The following ARHGAP39 variants were observed in gnomAD, a reference collection of about 807,000 sequenced individuals.
ARHGAP39 encodes rho GTPase-activating protein 39.
In ARHGAP39, 44 loss-of-function variants were observed where a neutral mutation model predicts 106.9. That is an observed-to-expected ratio of 0.41 (90% CI 0.32 to 0.53). The LOEUF (loss-of-function observed/expected upper bound fraction) is 0.53. Among genes scored for constraint, ARHGAP39 ranks in the 20% least tolerant of loss-of-function variants. The pLI, the probability that ARHGAP39 is intolerant of heterozygous loss-of-function variation, is 0.21. For missense variants in ARHGAP39, 1,496 were observed against 1,577.3 expected (o/e 0.95, Z 0.87); for synonymous variants, 768 against 693.2 (o/e 1.11, Z -1.69).
At chr8:144,607,532 C>T (rs1009760381) in intron 1 of ARHGAP39, among the ~76,000 whole-genome samples, 3 of 152,238 alleles carry the variant, frequency 2.0e-5, no homozygotes, top group Non-Finnish European at 4.4e-5. Flanking sequence ...TGTCTTCTTG[C>T]TCCCGGATGC....
At chr8:144,607,425 C>T (rs1022871226) in intron 1 of ARHGAP39, among the ~76,000 whole-genome samples, 4 of 152,126 alleles carry the variant, frequency 2.6e-5, no homozygotes, top group African/African-American at 9.7e-5. Context: ...TGCCACTTCG[C>T]CTGTAGCACT....
In ARHGAP39 at chr8:144,532,290, G is replaced by A. The variant is rs1272729302; in HGVS notation, c.2980+15C>T. On this transcript the variant is annotated intron_variant, in intron 10 of 11. Transcript: ENST00000377307. ...AGCCAGGCCCGCTCTGCTGCAGCGT[G>A]TGTGGGGGACTCACCAGGGACGTGG... The A allele has an allele frequency of 6.2e-7, 1 of 1,611,540 alleles. No individual in the cohort carries two copies. The highest frequency in any genetic ancestry group is 1.1e-5 in the South Asian group (1 of 91,048).
rs756040629 is a variant in ARHGAP39 at position 144,591,869 on chromosome 8, G to A, written c.81-10592C>T. ...TTCCCCTGGATGGCGGCGTCGCCTCGTCGCCTCGTGCCTGCGGGGAGTGCT... is the reference window on the plus strand; with the variant it reads ...TTCCCCTGGATGGCGGCGTCGCCTCATCGCCTCGTGCCTGCGGGGAGTGCT... On this transcript the variant is annotated intron_variant, in intron 2 of 11. Coordinates refer to ENST00000377307, the MANE Select transcript of ARHGAP39 (RefSeq NM_025251.3). The surrounding 1 kb of genome is among the most constrained non-coding windows in gnomAD (Gnocchi z 5.3). Among the ~76,000 whole-genome samples, 2 of 152,154 alleles carry A rather than the reference G, an allele frequency of 1.3e-5. No homozygotes were observed. Among genetic ancestry groups the A allele is most frequent in the African/African-American group, 2.4e-5 (1 of 41,432 alleles).
chr8:144,535,849 G>A (rs769342561), intron 7 of ARHGAP39, among the ~76,000 whole-genome samples: 18 of 152,232 alleles, frequency 1.2e-4, no homozygotes, highest in Non-Finnish European at 1.6e-4. Context: ...TCTGTAGGAT[G>A]GGGACTGTGA....
intron 3 of ARHGAP39, among the ~76,000 whole-genome samples, chr8:144,561,771 C>T (rs112673235): frequency 0.027 from 3,831 of 141,152 alleles, 191 homozygotes; most frequent in African/African-American, 0.11. Context: ...TGGTTTCCAT[C>T]GGACTTACTC....
At chr8:144,676,693 G>A (rs981114776) in intron 1 of ARHGAP39, among the ~76,000 whole-genome samples, 2 of 152,204 alleles carry the variant, frequency 1.3e-5, no homozygotes, top group African/African-American at 4.8e-5. Context: ...GAGGAAGCTC[G>A]TCCCAGATCA....
intron 1 of ARHGAP39, among the ~76,000 whole-genome samples, chr8:144,675,068 C>T (rs1822198387): frequency 6.6e-6 from 1 of 152,122 alleles, no homozygotes; most frequent in African/African-American, 2.4e-5. Context: ...GCTCCCACCC[C>T]TCCAACTTGG....
At chr8:144,693,540 A>G in the ARHGAP39 span, among the ~76,000 whole-genome samples, 1 of 150,996 alleles carries the variant, frequency 6.6e-6, no homozygotes, top group African/African-American at 2.4e-5. Flanking sequence ...CCCCTGGCTA[A>G]TTTTTTATAT....
chr8:144,618,770 G>C (rs1032996162), intron 1 of ARHGAP39, among the ~76,000 whole-genome samples: 3 of 152,230 alleles, frequency 2.0e-5, no homozygotes, highest in Non-Finnish European at 4.4e-5. Context: ...TGGGCTTCCT[G>C]GGAGCAAGTC....
chr8:144,661,257 A>G (rs1466449138), intron 1 of ARHGAP39, among the ~76,000 whole-genome samples: 1 of 152,294 alleles, frequency 6.6e-6, no homozygotes, highest in African/African-American at 2.4e-5. Context: ...ATTCCACTCT[A>G]CACACACAAG....
chr8:144,685,357 T>C (rs1822557955), intron 1 of ARHGAP39, among the ~76,000 whole-genome samples: 3 of 149,126 alleles, frequency 2.0e-5, no homozygotes. Context: ...CAGGGTACAG[T>C]CACACCCACT....
In ARHGAP39 at chr8:144,548,026, G is replaced by C. The variant is rs760183164; in HGVS notation, c.1060C>G (p.Arg354Gly). 10 of 1,607,106 alleles carry C rather than the reference G, an allele frequency of 6.2e-6. No individual in the cohort carries two copies. Among genetic ancestry groups the C allele is most frequent in the Admixed American group, 1.7e-5 (1 of 59,586 alleles). Residue 354 changes from arginine to glycine, a missense_variant, in exon 5 of 12, where the codon CGG (arginine) becomes GGG (glycine). Around this residue, in one of 4 missense-constraint regions of ARHGAP39, gnomAD observed 905 missense variants for 816.4 expected, o/e 1.11. Coordinates refer to ENST00000377307, the MANE Select transcript of ARHGAP39 (RefSeq NM_025251.3). This position sits in a 1 kb window ranked among gnomAD's most constrained non-coding sequence, Gnocchi z 7.4. ...TGCTTGTTGGGCTGGAGGAACGGCC[G>C]GGGCTTACGGCCCGGCGACCGCTGG... is the stretch of plus-strand genomic sequence containing the variant. ...SPQRSPGRKP[R>G]PFLQPNKQGP...
intron 1 of ARHGAP39, among the ~76,000 whole-genome samples, chr8:144,623,082 G>A (rs1178244287): frequency 6.6e-6 from 1 of 152,256 alleles, no homozygotes; most frequent in Non-Finnish European, 1.5e-5. Flanking sequence ...TGTGGACGGA[G>A]TGCTCAGAAT....
Position 144,548,428 on chromosome 8 carries a change from G to A in ARHGAP39, c.658C>T (p.Arg220Trp), listed in dbSNP as rs773718640. The change falls in exon 5 of 12, where the codon CGG becomes TGG. Residue 220 changes from arginine to tryptophan, a missense_variant. Arg to Trp is a moderately radical substitution (Grantham distance 101, BLOSUM62 -3). Coordinates refer to ENST00000377307, the MANE Select transcript of ARHGAP39 (RefSeq NM_025251.3). The surrounding 1 kb of genome is among the most constrained non-coding windows in gnomAD (Gnocchi z 7.4). Reference sequence around the variant, plus strand: ...TGGGCGGCGAGGAAGCTGGGCTCCCGATCAGCGACCTTGATGAGCATGCGC... The same window carrying A: ...TGGGCGGCGAGGAAGCTGGGCTCCCAATCAGCGACCTTGATGAGCATGCGC... ...KERMLIKVADREPSFLAAQGN... is the reference protein window; with the variant it reads ...KERMLIKVADWEPSFLAAQGN... 11 of 1,610,782 alleles carry A rather than the reference G, an allele frequency of 6.8e-6. No homozygotes were observed. The South Asian group carries it at 7.7e-5, about 11-fold the overall frequency.
chr8:144,554,953 C>CG (rs1817861072), intron 4 of ARHGAP39, among the ~76,000 whole-genome samples: 1 of 152,246 alleles, frequency 6.6e-6, no homozygotes, highest in African/African-American at 2.4e-5. Flanking sequence ...CACCCACCCC[C>CG]CTACAGAAAC....
intron 1 of ARHGAP39, among the ~76,000 whole-genome samples, chr8:144,606,691 C>T (rs552222943): frequency 6.6e-6 from 1 of 152,108 alleles, no homozygotes; most frequent in Admixed American, 6.5e-5. Context: ...GGTTTTTGAC[C>T]ACCTGGTGGG....
At chr8:144,618,704 G>A (rs927709298) in intron 1 of ARHGAP39, among the ~76,000 whole-genome samples, 6 of 152,358 alleles carry the variant, frequency 3.9e-5, no homozygotes, top group African/African-American at 1.2e-4. Context: ...GAGGCCGGGC[G>A]CAGGAAGCGG....
At chr8:144,622,462 C>T (rs1563713066) in intron 1 of ARHGAP39, among the ~76,000 whole-genome samples, 1 of 152,010 alleles carries the variant, frequency 6.6e-6, no homozygotes, top group Non-Finnish European at 1.5e-5. Context: ...ATACTCCGGG[C>T]TCTGCCACAA....
the ARHGAP39 span, among the ~76,000 whole-genome samples, chr8:144,694,185 G>T: frequency 9.9e-5 from 15 of 152,212 alleles, no homozygotes; most frequent in African/African-American, 3.6e-4. Flanking sequence ...TATTCTGGTT[G>T]TTGTGAGGAA....
Sources: gnomAD v4.1 joint callset for allele counts (sites outside exome capture counted in the v4.1 genomes callset) on GRCh38, gnomAD v4.1.1 for gene constraint, gnomAD v4.1.1 regional missense constraint, Gnocchi (gnomAD v3.1) non-coding constraint, MANE v1.5 for transcripts, NCBI Gene and HGNC (gene_info 2026-07-23, HGNC 2026-07-21) for gene names.